PEX7: variants seen among roughly 807,000 people sequenced by gnomAD.
PEX7 encodes peroxisomal biogenesis factor 7.
PEX7 carries 34 observed loss-of-function variants against 47.5 expected under a neutral mutation model. The ratio of observed to expected loss-of-function variants is 0.72; its 90% confidence interval spans 0.54 to 0.95. The LOEUF (loss-of-function observed/expected upper bound fraction) is 0.95, where lower values mean the gene tolerates loss of function less well. Ranked by LOEUF, PEX7 falls within the 40% of genes least tolerant of loss-of-function variation. The probability of loss-of-function intolerance (pLI) is 0.00; values close to 1 mark genes in which losing one functional copy is unlikely to be tolerated. For missense variants in PEX7, 394 were observed against 400.3 expected (o/e 0.98, Z 0.13); for synonymous variants, 141 against 148.8 (o/e 0.95, Z 0.38).
intron 9 of PEX7, among the ~76,000 whole-genome samples, chr6:136,912,051 CT>C (rs1342066523): frequency 1.3e-5 from 2 of 152,216 alleles, no homozygotes; most frequent in East Asian, 3.9e-4. Flanking sequence ...ATGTTGAGCA[CT>C]TTTTTATGTG....
intron 3 of PEX7, among the ~76,000 whole-genome samples, chr6:136,834,419 G>C (rs60044099): frequency 0.042 from 6,413 of 152,262 alleles, 492 homozygotes; most frequent in African/African-American, 0.15. Context: ...GTTTCTCCAT[G>C]TTGCCCAGGC....
chr6:136,886,031 T>C (rs1009452340), intron 8 of PEX7, among the ~76,000 whole-genome samples: 6 of 152,204 alleles, frequency 3.9e-5, no homozygotes, highest in Non-Finnish European at 8.8e-5. Context: ...ACTTTTGTCA[T>C]TATTAAGGCT....
intron 3 of PEX7, among the ~76,000 whole-genome samples, chr6:136,837,985 C>A (rs1348233383): frequency 2.0e-5 from 3 of 152,112 alleles, no homozygotes; most frequent in Non-Finnish European, 4.4e-5. Context: ...ATTTACTTTC[C>A]CTTTCTTGTA....
At chr6:136,855,085 C>CA (rs747644035) in intron 5 of PEX7, among the ~76,000 whole-genome samples, 5,380 of 125,316 alleles carry the variant, frequency 0.043, 113 homozygotes, top group Middle Eastern at 0.074. Flanking sequence ...AAGACTGTCT[C>CA]AAAAAAAAAA....
At chr6:136,864,691 T>C (rs892981184) in intron 5 of PEX7, among the ~76,000 whole-genome samples, 3 of 152,236 alleles carry the variant, frequency 2.0e-5, no homozygotes, top group African/African-American at 4.8e-5. Flanking sequence ...AAGTGAAAGA[T>C]ACTTTAAAAA....
chr6:136,825,453 A>C (rs1418981737), intron 2 of PEX7, among the ~76,000 whole-genome samples, 182 bp downstream of exon 2: 1 of 152,048 alleles, frequency 6.6e-6, no homozygotes, highest in African/African-American at 2.4e-5. Flanking sequence ...AGCTATTCCC[A>C]AGTCTGAGGC....
chr6:136,859,992 G>A (rs1774928429), intron 5 of PEX7, among the ~76,000 whole-genome samples: 1 of 150,732 alleles, frequency 6.6e-6, no homozygotes, highest in Non-Finnish European at 1.5e-5. Context: ...CAGCCTGGGT[G>A]ACAGAGTTAG....
chr6:136,835,066 A>G (rs1001402690), intron 3 of PEX7, among the ~76,000 whole-genome samples: 4 of 151,852 alleles, frequency 2.6e-5, no homozygotes, highest in African/African-American at 7.3e-5. Context: ...CACTCTCCCA[A>G]GTATCTGGGC....
chr6:136,876,433 G>A (rs1775274203), intron 8 of PEX7, among the ~76,000 whole-genome samples: 1 of 152,106 alleles, frequency 6.6e-6, no homozygotes, highest in African/African-American at 2.4e-5. Flanking sequence ...GTGGTTTGGT[G>A]CACCCATCAG....
At chr6:136,861,738 T>A (rs1305845570) in intron 5 of PEX7, among the ~76,000 whole-genome samples, 6 of 151,656 alleles carry the variant, frequency 4.0e-5, no homozygotes, top group Non-Finnish European at 8.8e-5. Flanking sequence ...AGGGAAGGGC[T>A]GTTTGAAAGG....
At chr6:136,882,161 C>T (rs1775386341) in intron 8 of PEX7, among the ~76,000 whole-genome samples, 1 of 150,328 alleles carries the variant, frequency 6.7e-6, no homozygotes, top group African/African-American at 2.4e-5. Flanking sequence ...ATTGCTTTTC[C>T]CCCTCTTCTT....
intron 8 of PEX7, among the ~76,000 whole-genome samples, chr6:136,890,089 A>G (rs1482933362): frequency 2.6e-5 from 4 of 152,116 alleles, no homozygotes; most frequent in Non-Finnish European, 1.5e-5. Flanking sequence ...CTGTCCTGAA[A>G]CCCTAGTCAA....
chr6:136,846,631 A>C (rs1291435219), intron 5 of PEX7, among the ~76,000 whole-genome samples: 3 of 152,046 alleles, frequency 2.0e-5, no homozygotes, highest in Non-Finnish European at 4.4e-5. Context: ...GCTCAGAATG[A>C]TGGTTTCCAG....
chr6:136,850,235 T>C (rs1562736953), intron 5 of PEX7, among the ~76,000 whole-genome samples: 1 of 152,184 alleles, frequency 6.6e-6, no homozygotes, highest in Non-Finnish European at 1.5e-5. Context: ...ATCCCTTTAT[T>C]TTGAGCCTTT....
intron 9 of PEX7, among the ~76,000 whole-genome samples, chr6:136,899,866 T>C (rs1202944839): frequency 6.6e-6 from 1 of 152,254 alleles, no homozygotes; most frequent in Admixed American, 6.5e-5. Context: ...TCAAATGAAC[T>C]AGTTCCTTTT....
chr6:136,874,894 C>A (rs1178483368), intron 8 of PEX7, among the ~76,000 whole-genome samples: 1 of 152,036 alleles, frequency 6.6e-6, no homozygotes, highest in Non-Finnish European at 1.5e-5. Flanking sequence ...AATCCCAGCA[C>A]TTTGGGAGGC....
chr6:136,846,394 G>A lies in PEX7; in HGVS notation c.526+213G>A, dbSNP rs535906948. On this transcript the variant is annotated intron_variant, in intron 5 of 9. Transcript: ENST00000318471. ...TCTAGGGTACATGTGCACAACGTGC[G>A]GGTTTGTTACATGTGTGTGCATGTG... 2.0e-3 allele frequency among the ~76,000 whole-genome samples: 306 copies of A among 151,844 alleles called. 3 individuals are homozygous for A. The highest frequency in any genetic ancestry group is 6.5e-3 in the African/African-American group (271 of 41,414).
intron 8 of PEX7, among the ~76,000 whole-genome samples, chr6:136,874,257 G>C (rs1200335819): frequency 6.6e-6 from 1 of 152,182 alleles, no homozygotes; most frequent in Non-Finnish European, 1.5e-5. Context: ...TTTTTGTGGA[G>C]TACTTTCTTG....
intron 8 of PEX7, among the ~76,000 whole-genome samples, chr6:136,888,079 C>G (rs1420990015): frequency 6.6e-6 from 1 of 151,868 alleles, no homozygotes; most frequent in Non-Finnish European, 1.5e-5. Flanking sequence ...TCTTCCCCTT[C>G]CCCTTAAAAA....
Sources: allele counts gnomAD v4.1 joint callset (sites outside exome capture counted in the v4.1 genomes callset), GRCh38; gene constraint gnomAD v4.1.1; transcripts MANE v1.5; gene names NCBI Gene and HGNC (gene_info 2026-07-23, HGNC 2026-07-21).